CSMD1: variants seen among roughly 807,000 people sequenced by gnomAD.
The protein encoded by CSMD1 is CUB and Sushi multiple domains 1.
Under a neutral mutation model 417.5 loss-of-function variants are expected in CSMD1, and 213 were observed. The ratio of observed to expected loss-of-function variants is 0.51; its 90% confidence interval spans 0.46 to 0.57. CSMD1 has a LOEUF of 0.57. Ranked by LOEUF, CSMD1 falls within the 20% of genes least tolerant of loss-of-function variation. CSMD1 has a pLI of 0.00. For synonymous variants in CSMD1, 2,862 were observed against 1,736.8 expected, an observed-to-expected ratio of 1.65 and a Z score of -16.11; for missense variants, 6,923 against 4,529.7, an observed-to-expected ratio of 1.53 and a Z score of -15.17.
At chr8:3,711,537 G>A (rs947074780) in intron 6 of CSMD1, among the ~76,000 whole-genome samples, 5 of 152,162 alleles carry the variant, frequency 3.3e-5, no homozygotes, top group Admixed American at 2.0e-4. Context: ...GTGCAACCAC[G>A]GCACCTGGCG....
chr8:4,145,234 A>G (rs1335672550), intron 3 of CSMD1, among the ~76,000 whole-genome samples: 1 of 151,002 alleles, frequency 6.6e-6, no homozygotes, highest in African/African-American at 2.5e-5. Context: ...CAAATAGGAC[A>G]TTCATGACCT....
chr8:4,180,670 G>A (rs1798315687), intron 3 of CSMD1, among the ~76,000 whole-genome samples: 2 of 152,036 alleles, frequency 1.3e-5, no homozygotes, highest in African/African-American at 2.4e-5. Context: ...GCCAGCACTG[G>A]CCATATGAAA....
At chr8:3,884,008 T>C (rs2930339) in intron 5 of CSMD1, among the ~76,000 whole-genome samples, 37,946 of 152,132 alleles carry the variant, frequency 0.25, 5,952 homozygotes, top group African/African-American at 0.44. Context: ...GGTCAGAATT[T>C]GCTAAATATT....
chr8:3,467,228 C>T lies in CSMD1; in HGVS notation c.1561+1484G>A, dbSNP rs146354174. On this transcript the variant is annotated intron_variant, in intron 12 of 69. Coordinates refer to ENST00000635120, the MANE Select transcript of CSMD1 (RefSeq NM_033225.6). ...CATAGTCAAGGATGCAGTTTGGGCA[C>T]GAGGTTCCTCTCCTATTCCTGGTAC... Among the ~76,000 whole-genome samples, 11 of 152,300 alleles carry T rather than the reference C, an allele frequency of 7.2e-5. No homozygotes were observed. The East Asian group carries it at 1.7e-3, about 24-fold the overall frequency.
At chr8:4,250,117 C>G (rs1802963070) in intron 3 of CSMD1, among the ~76,000 whole-genome samples, 1 of 152,184 alleles carries the variant, frequency 6.6e-6, no homozygotes. Flanking sequence ...AAGAAAGCCC[C>G]TGATCAACTA....
intron 5 of CSMD1, among the ~76,000 whole-genome samples, chr8:3,830,801 C>A (rs952138355): frequency 6.6e-6 from 1 of 152,182 alleles, no homozygotes; most frequent in South Asian, 2.1e-4. Context: ...AAAATGCTAA[C>A]TGAAATAAAA....
intron 25 of CSMD1, among the ~76,000 whole-genome samples, chr8:3,297,919 A>G (rs945029586): frequency 1.3e-5 from 2 of 152,220 alleles, no homozygotes; most frequent in African/African-American, 2.4e-5. Flanking sequence ...TCATTTCAGT[A>G]TAAAAAAATG....
intron 10 of CSMD1, among the ~76,000 whole-genome samples, chr8:3,498,509 T>A (rs1563095640): frequency 6.6e-6 from 1 of 152,212 alleles, no homozygotes; most frequent in Non-Finnish European, 1.5e-5. Flanking sequence ...TGTTTGGTGA[T>A]CTTTGAGCTT....
intron 2 of CSMD1, among the ~76,000 whole-genome samples, chr8:4,613,570 G>C (rs182158140): frequency 2.6e-5 from 4 of 152,332 alleles, no homozygotes; most frequent in Non-Finnish European, 5.9e-5. Context: ...CTACAGTTAA[G>C]TGATGGCTGA....
chr8:4,001,841 G>C (rs182630461), intron 4 of CSMD1, among the ~76,000 whole-genome samples: 3 of 151,588 alleles, frequency 2.0e-5, no homozygotes, highest in Middle Eastern at 3.2e-3. Flanking sequence ...CATAAAGAAG[G>C]CAAAATAGAA....
chr8:4,437,107 C>T (rs555223955), intron 2 of CSMD1, among the ~76,000 whole-genome samples: 1 of 152,250 alleles, frequency 6.6e-6, no homozygotes, highest in South Asian at 2.1e-4. Flanking sequence ...ATGAATCCTA[C>T]AGTTGCTACC....
intron 1 of CSMD1, among the ~76,000 whole-genome samples, chr8:4,759,385 A>G (rs1037443092): frequency 6.6e-6 from 1 of 152,214 alleles, no homozygotes; most frequent in African/African-American, 2.4e-5. Flanking sequence ...AGAGGCTATT[A>G]TCCAATGGCA....
intron 23 of CSMD1, among the ~76,000 whole-genome samples, chr8:3,342,064 T>C (rs1329168272): frequency 6.6e-6 from 1 of 152,210 alleles, no homozygotes; most frequent in Non-Finnish European, 1.5e-5. Flanking sequence ...GTAACATCAA[T>C]TGTTATCAGT....
At chr8:4,434,745 T>C (rs1456624615) in intron 2 of CSMD1, among the ~76,000 whole-genome samples, 1 of 152,156 alleles carries the variant, frequency 6.6e-6, no homozygotes, top group Non-Finnish European at 1.5e-5. Context: ...TTTTGGGACT[T>C]AGCTCTTAGA....
intron 3 of CSMD1, among the ~76,000 whole-genome samples, chr8:4,213,353 T>C (rs1800439762): frequency 6.6e-6 from 1 of 152,036 alleles, no homozygotes; most frequent in Admixed American, 6.6e-5. Context: ...TCAAGGGCCG[T>C]GCACAAAAAA....
At chr8:4,904,099 G>A (rs1194223582) in intron 1 of CSMD1, among the ~76,000 whole-genome samples, 49 of 152,078 alleles carry the variant, frequency 3.2e-4, no homozygotes, top group Non-Finnish European at 5.9e-5. Flanking sequence ...GGATAGGATA[G>A]GCTCGAATTC....
Position 4,518,898 on chromosome 8 carries a change from C to T in CSMD1, c.303-98833G>A, listed in dbSNP as rs536615327. Reference sequence around the variant, plus strand: ...CTTCAAAGGTTTTCAAGTAAACATTCCCCATAAAATCGTGTCATGAGTTAA... The same window carrying T: ...CTTCAAAGGTTTTCAAGTAAACATTTCCCATAAAATCGTGTCATGAGTTAA... On this transcript the variant is annotated intron_variant, in intron 2 of 69. Transcript: ENST00000635120. 1.0e-3 allele frequency among the ~76,000 whole-genome samples: 153 copies of T among 152,176 alleles called. 1 individual carries two copies. The highest frequency in any genetic ancestry group is 3.5e-3 in the African/African-American group (146 of 41,516).
At chr8:4,872,001 A>G (rs1404074734) in intron 1 of CSMD1, among the ~76,000 whole-genome samples, 1 of 152,126 alleles carries the variant, frequency 6.6e-6, no homozygotes, top group East Asian at 1.9e-4. Context: ...GCAGAAACAC[A>G]TCGTGCTGAT....
intron 3 of CSMD1, among the ~76,000 whole-genome samples, chr8:4,185,151 A>G (rs753737411): frequency 1.3e-5 from 2 of 150,572 alleles, no homozygotes; most frequent in African/African-American, 4.9e-5. Context: ...AAAAAAAAAA[A>G]AAAAAAAAAA....
Sources: allele counts gnomAD v4.1 joint callset (sites outside exome capture counted in the v4.1 genomes callset), GRCh38; gene constraint gnomAD v4.1.1; transcripts MANE v1.5; gene names NCBI Gene and HGNC (gene_info 2026-07-23, HGNC 2026-07-21).